CSMD1: variants seen among roughly 807,000 people sequenced by gnomAD.
CSMD1 encodes the protein CUB and sushi domain-containing protein 1.
Under a neutral mutation model 417.5 loss-of-function variants are expected in CSMD1, and 213 were observed. The ratio of observed to expected loss-of-function variants is 0.51; its 90% CI spans 0.46 to 0.57. The LOEUF is 0.57. CSMD1 is among the 20% of genes least tolerant of loss of function. The probability of loss-of-function intolerance (pLI) is 0.00; values close to 1 mark genes in which losing one functional copy is unlikely to be tolerated. For missense variants in CSMD1, 6,923 were observed against 4,529.7 expected (o/e 1.53, Z -15.17); for synonymous variants, 2,862 against 1,736.8 (o/e 1.65, Z -16.11).
At chr8:4,278,344 C>G (rs1015220550) in intron 3 of CSMD1, among the ~76,000 whole-genome samples, 2 of 152,068 alleles carry the variant, frequency 1.3e-5, no homozygotes, top group Non-Finnish European at 2.9e-5. Context: ...TAATATGTGA[C>G]TTAAAATTCA....
intron 3 of CSMD1, among the ~76,000 whole-genome samples, chr8:4,076,086 A>C (rs1003429816): frequency 6.6e-6 from 1 of 152,116 alleles, no homozygotes; most frequent in Admixed American, 6.6e-5. Flanking sequence ...CTCATCTTGA[A>C]TTGCAGTTCC....
chr8:3,524,495 ACACACATGCACAGATG>A (rs372644497), intron 10 of CSMD1, among the ~76,000 whole-genome samples: 4,097 of 151,998 alleles, frequency 0.027, 135 homozygotes, highest in African/African-American at 0.072. Flanking sequence ...ACACACAAGT[ACACACATGCACAGATG>A]CACACATGCA....
Position 4,510,390 on chromosome 8 carries a change from T to TAAAAAAAAAAAAAAAAAAAAAAAAAA in CSMD1, c.303-90351_303-90326dup, listed in dbSNP as rs34791623. Among the ~76,000 whole-genome samples the TAAAAAAAAAAAAAAAAAAAAAAAAAA allele has an allele frequency of 4.9e-4, 27 of 54,618 alleles. 3 individuals are homozygous for TAAAAAAAAAAAAAAAAAAAAAAAAAA. The highest frequency in any genetic ancestry group is 6.1e-4 in the East Asian group (1 of 1,628). The allele number at this position is 54,618 out of a possible 152,430, so 35.8% of individuals were successfully genotyped here. ...GTAGACAATTAAAAAGCATAATGCC[T>TAAAAAAAAAAAAAAAAAAAAAAAAAA]AAAAAAAAAAAAAAAAAAAAAAAAA... On this transcript the variant is annotated intron_variant, in intron 2 of 69. Transcript: ENST00000635120.
intron 49 of CSMD1, among the ~76,000 whole-genome samples, chr8:3,066,329 T>C (rs1464188489): frequency 6.6e-6 from 1 of 152,268 alleles, no homozygotes; most frequent in East Asian, 1.9e-4. Context: ...GTTTTAGCTC[T>C]ATTTGAAGCT....
chr8:4,632,888 A>T (rs998304932), intron 2 of CSMD1, among the ~76,000 whole-genome samples: 1 of 152,196 alleles, frequency 6.6e-6, no homozygotes. Context: ...TTCTCTTGTA[A>T]GGTCAGGTCA....
chr8:3,555,405 A>T (rs1222265132), intron 10 of CSMD1, among the ~76,000 whole-genome samples: 1 of 152,136 alleles, frequency 6.6e-6, no homozygotes, highest in Non-Finnish European at 1.5e-5. Context: ...TAGCCAAATC[A>T]TCCCACCTGC....
intron 2 of CSMD1, among the ~76,000 whole-genome samples, chr8:4,526,851 C>T (rs911935315): frequency 6.6e-6 from 1 of 152,012 alleles, no homozygotes; most frequent in Non-Finnish European, 1.5e-5. Flanking sequence ...TTTCTCCCCC[C>T]AAGAAGACAT....
chr8:3,144,841 GT>G, intron 40 of CSMD1, among the ~76,000 whole-genome samples: 1 of 128,472 alleles, frequency 7.8e-6, no homozygotes, highest in African/African-American at 2.9e-5. Context: ...GAGGGAGGGG[GT>G]CCAGGGGCTC....
chr8:4,069,570 C>T (rs2130773154), intron 3 of CSMD1, among the ~76,000 whole-genome samples: 1 of 152,304 alleles, frequency 6.6e-6, no homozygotes, highest in South Asian at 2.1e-4. Flanking sequence ...CACAGGCATC[C>T]ATGCAGATGT....
At chr8:4,935,345 G>C (rs930706864) in intron 1 of CSMD1, among the ~76,000 whole-genome samples, 43 of 152,146 alleles carry the variant, frequency 2.8e-4, no homozygotes, top group African/African-American at 9.9e-4. Flanking sequence ...CCTCTGGGTG[G>C]AGACATCGCC....
intron 3 of CSMD1, among the ~76,000 whole-genome samples, chr8:4,309,391 C>A (rs73504625): frequency 0.63 from 96,100 of 151,610 alleles, 31,408 homozygotes; most frequent in East Asian, 0.86. Flanking sequence ...TAGAGAAGAC[C>A]CTCAAAAGCT....
intron 5 of CSMD1, among the ~76,000 whole-genome samples, chr8:3,888,846 G>C (rs879693499): frequency 6.6e-6 from 1 of 152,060 alleles, no homozygotes; most frequent in Non-Finnish European, 1.5e-5. Context: ...GATGCCCTCT[G>C]TCTATAAATG....
chr8:4,820,459 C>T (rs543799122), intron 1 of CSMD1, among the ~76,000 whole-genome samples: 1 of 152,116 alleles, frequency 6.6e-6, no homozygotes, highest in Non-Finnish European at 1.5e-5. Context: ...CACTGGTTTT[C>T]CTGTCAATGT....
chr8:3,732,107 G>C (rs897436782), intron 6 of CSMD1, among the ~76,000 whole-genome samples: 1 of 152,180 alleles, frequency 6.6e-6, no homozygotes, highest in Non-Finnish European at 1.5e-5. Flanking sequence ...AGGGAAAGGA[G>C]GGCCTTGGAG....
At chr8:3,909,439 A>T (rs1284785398) in intron 5 of CSMD1, among the ~76,000 whole-genome samples, 1 of 152,128 alleles carries the variant, frequency 6.6e-6, no homozygotes, top group Non-Finnish European at 1.5e-5. Context: ...ACGCAGAAAA[A>T]GGCAGAACAC....
chr8:3,253,436 GCTTTA>G (rs1800419472), intron 26 of CSMD1, among the ~76,000 whole-genome samples: 2 of 152,086 alleles, frequency 1.3e-5, no homozygotes, highest in Admixed American at 1.3e-4. Flanking sequence ...GCTGAGGAGT[GCTTTA>G]CTTCCAACTA....
In CSMD1 at chr8:3,586,231, T is replaced by G. The variant is rs745748445; in HGVS notation, c.1127A>C (p.Glu376Ala). 9 of 1,608,968 alleles carry G rather than the reference T, an allele frequency of 5.6e-6. No homozygotes were observed. The highest frequency in any genetic ancestry group is 7.6e-6 in the Non-Finnish European group (9 of 1,178,886). ...AGATCCCTGGAGCACGTAATTGTCC[T>G]CACATGAAAACTGTACATTTGCACC... ...RVGANVQFSC[E>A]DNYVLQGSKS... Residue 376 changes from glutamate to alanine, a missense_variant, in exon 9 of 70, where the codon GAG (glutamate) becomes GCG (alanine). Physicochemically the swap from Glu to Ala is moderately radical, Grantham distance 107. Coordinates refer to ENST00000635120, the MANE Select transcript of CSMD1 (RefSeq NM_033225.6).
At chr8:3,573,789 T>G (rs1338490908) in intron 10 of CSMD1, among the ~76,000 whole-genome samples, 3 of 151,944 alleles carry the variant, frequency 2.0e-5, no homozygotes, top group Non-Finnish European at 4.4e-5. Context: ...AATTGGTAAA[T>G]AGTGGGGTTC....
At chr8:4,461,943 A>T (rs949219082) in intron 2 of CSMD1, among the ~76,000 whole-genome samples, 1 of 151,848 alleles carries the variant, frequency 6.6e-6, no homozygotes, top group Non-Finnish European at 1.5e-5. Flanking sequence ...GGGTTTCATC[A>T]TGTTAGCCAG....
Sources: gnomAD v4.1 joint callset for allele counts (sites outside exome capture counted in the v4.1 genomes callset) on GRCh38, gnomAD v4.1.1 for gene constraint, MANE v1.5 for transcripts, NCBI Gene and HGNC (gene_info 2026-07-23, HGNC 2026-07-21) for gene names.